UBXN7: variants seen among roughly 807,000 people sequenced by gnomAD.
UBXN7 encodes the protein UBX domain-containing protein 7.
In UBXN7, 9 loss-of-function variants were observed where a neutral mutation model predicts 58.0. The ratio of observed to expected loss-of-function variants is 0.16; its 90% confidence interval spans 0.09 to 0.27. UBXN7 has a LOEUF of 0.27. UBXN7 is among the 10% of genes least tolerant of loss of function. UBXN7 has a pLI of 1.00. For missense variants in UBXN7, 328 were observed against 599.6 expected, an observed-to-expected ratio of 0.55 and a Z score of 4.73; for synonymous variants, 208 against 205.0, an observed-to-expected ratio of 1.01 and a Z score of -0.12.
chr3:196,380,273 G>GA (rs956431913), intron 5 of UBXN7, among the ~76,000 whole-genome samples: 1 of 149,370 alleles, frequency 6.7e-6, no homozygotes, highest in African/African-American at 2.5e-5. Flanking sequence ...AAAAAAAAAA[G>GA]AATGTGAAGG....
At chr3:196,424,549 AT>A (rs1560245913) in intron 1 of UBXN7, among the ~76,000 whole-genome samples, 1 of 149,456 alleles carries the variant, frequency 6.7e-6, no homozygotes, top group African/African-American at 2.5e-5. Flanking sequence ...GGCCCAGTTA[AT>A]TTTTTTTTAC....
At chr3:196,385,163 T>A (rs1229763077) in intron 5 of UBXN7, among the ~76,000 whole-genome samples, 2 of 152,192 alleles carry the variant, frequency 1.3e-5, no homozygotes, top group African/African-American at 4.8e-5. Context: ...CCACCACGCC[T>A]GACTGGTTTT....
chr3:196,386,886 A>ATT (rs1421344910), intron 5 of UBXN7, among the ~76,000 whole-genome samples: 1 of 152,210 alleles, frequency 6.6e-6, no homozygotes, highest in Non-Finnish European at 1.5e-5. Context: ...GGAACCTAAA[A>ATT]AGAGCCCACA....
At position 196,350,027 on chromosome 3, in the gene UBXN7, T is replaced by G. The variant is rs1728175629; in HGVS notation, c.*6658A>C. 6.6e-6 allele frequency: 1 copy of G among 152,232 alleles called. No individual in the cohort carries two copies. The highest frequency in any genetic ancestry group is 2.4e-5 in the African/African-American group (1 of 41,462). 9.4% of individuals were successfully genotyped at this position (152,232 alleles called of 1,614,324 possible). On this transcript the variant is annotated 3_prime_UTR_variant, in exon 11 of 11. Coordinates refer to ENST00000296328, the MANE Select transcript of UBXN7 (RefSeq NM_015562.2). ...AACTTGCTGTTTGTTGCCAAAGAAT[T>G]AAGTACAATAATGCGACTTCTCATA...
intron 1 of UBXN7, among the ~76,000 whole-genome samples, chr3:196,428,089 A>T (rs1010180476): frequency 1.3e-5 from 2 of 152,172 alleles, no homozygotes; most frequent in African/African-American, 2.4e-5. Context: ...ATGCCACTGC[A>T]CTCCAGCCTG....
chr3:196,410,274 C>T (rs755142920), intron 1 of UBXN7, among the ~76,000 whole-genome samples: 6 of 152,142 alleles, frequency 3.9e-5, no homozygotes, highest in Non-Finnish European at 7.3e-5. Context: ...CATTCTTCAG[C>T]ACTTTTTTTC....
chr3:196,380,704 G>A (rs912313830), intron 5 of UBXN7, among the ~76,000 whole-genome samples: 8 of 152,242 alleles, frequency 5.3e-5, no homozygotes, highest in South Asian at 2.1e-4. Flanking sequence ...GCAAGGGGTC[G>A]GGGAAATCAT....
At position 196,367,110 on chromosome 3, in the gene UBXN7, G is replaced by A. The variant is rs138571669; in HGVS notation, c.834+918C>T. ...AGGCAGGAGAATCGCTTGAACCCAG[G>A]AGGCGAAGGTTGCAGTGAGCCAAGA... On this transcript the variant is annotated intron_variant, in intron 8 of 10. Transcript: ENST00000296328. 3.4e-3 allele frequency among the ~76,000 whole-genome samples: 522 copies of A among 151,856 alleles called. 4 individuals are homozygous for A. The highest frequency in any genetic ancestry group is 0.012 in the African/African-American group (492 of 41,410).
chr3:196,417,192 AG>A (rs1730520907), intron 1 of UBXN7, among the ~76,000 whole-genome samples: 1 of 152,166 alleles, frequency 6.6e-6, no homozygotes, highest in Non-Finnish European at 1.5e-5. Context: ...GGGCGCTTGT[AG>A]TCCCAGCTGC....
At chr3:196,411,533 C>T (rs1366169666) in intron 1 of UBXN7, among the ~76,000 whole-genome samples, 6 of 152,162 alleles carry the variant, frequency 3.9e-5, no homozygotes, top group African/African-American at 9.7e-5. Context: ...AGCAGATGGC[C>T]GAGCACAGTG....
intron 3 of UBXN7, among the ~76,000 whole-genome samples, chr3:196,394,668 G>C (rs1168857896): frequency 6.6e-6 from 1 of 152,036 alleles, no homozygotes; most frequent in East Asian, 1.9e-4. Flanking sequence ...AGAAGATTTT[G>C]AGGATGATGC....
rs1453390518 is a variant in UBXN7, at chr3:196,369,428, T to G, written c.699A>C (p.Pro233=). The G allele has an allele frequency of 6.2e-7, 1 of 1,611,406 alleles. No homozygotes were observed. Among genetic ancestry groups the G allele is most frequent in the South Asian group, 1.1e-5 (1 of 90,816 alleles). Residue 233 remains proline (P), a synonymous_variant, in exon 7 of 11, where the codon CCA becomes CCC. Coordinates refer to ENST00000296328, the MANE Select transcript of UBXN7 (RefSeq NM_015562.2). ...GDFPYVSILD[P]RTGQKLVEWH... Reference sequence around the variant, plus strand: ...TGCTGATATAAATCTTACCTGTCCGTGGGTCCAATATGGAAACATAGGGGA... The same window carrying G: ...TGCTGATATAAATCTTACCTGTCCGGGGGTCCAATATGGAAACATAGGGGA...
chr3:196,412,230 C>CAAAAAAAAAA (rs55746914), intron 1 of UBXN7, among the ~76,000 whole-genome samples: 4 of 89,094 alleles, frequency 4.5e-5, no homozygotes, highest in African/African-American at 1.5e-4. Context: ...GACTTTGTCT[C>CAAAAAAAAAA]AAAAAAAAAA....
At chr3:196,432,282 C>T (rs960288348) in intron 1 of UBXN7, 45 bp downstream of exon 1, 1 of 1,610,416 alleles carries the variant, frequency 6.2e-7, no homozygotes, top group Non-Finnish European at 8.5e-7. Flanking sequence ...ACCCGCTGCC[C>T]GCTCCGGACC....
In UBXN7 at chr3:196,376,563, A is replaced by AG. The variant is rs1396627697; in HGVS notation, c.469-4522_469-4521insC. Reference sequence around the variant, plus strand: ...TCTGTCTCAAAAAAAAAAAAAAAAAAAAAAAGAAAAGAAAAGAAAAAGGAA... The same window carrying AG: ...TCTGTCTCAAAAAAAAAAAAAAAAAAGAAAAAGAAAAGAAAAGAAAAAGGAA... On this transcript the variant is annotated intron_variant, in intron 5 of 10. Transcript: ENST00000296328. Among the ~76,000 whole-genome samples the AG allele has an allele frequency of 8.0e-5, 12 of 149,804 alleles. No individual in the cohort carries two copies. In the East Asian group the frequency reaches 2.1e-3, roughly 27 times the overall value.
intron 5 of UBXN7, among the ~76,000 whole-genome samples, chr3:196,380,257 C>CAA (rs1385478482): frequency 4.7e-5 from 4 of 85,518 alleles, no homozygotes; most frequent in Admixed American, 1.2e-4. Context: ...GATTTCATCT[C>CAA]AAAAAAAAAA....
chr3:196,393,812 C>T, intron 3 of UBXN7, 193 bp from the exon 4 acceptor site: 1 of 421,882 alleles, frequency 2.4e-6, no homozygotes, highest in Non-Finnish European at 4.4e-6. Context: ...GCAGCGAGCA[C>T]AGTATTTCTT....
At chr3:196,363,251 A>AAT (rs1560218787) in intron 8 of UBXN7, among the ~76,000 whole-genome samples, 2 of 40,230 alleles carry the variant, frequency 5.0e-5, no homozygotes, top group African/African-American at 1.5e-4. Context: ...TACATACATA[A>AAT]ATATATATAT....
intron 5 of UBXN7, among the ~76,000 whole-genome samples, chr3:196,372,327 C>T (rs1420558092): frequency 2.8e-3 from 254 of 90,334 alleles, no homozygotes; most frequent in African/African-American, 8.2e-3. Context: ...TCTCTCTCTC[C>T]TTTCTTTCTT....
Sources: allele counts gnomAD v4.1 joint callset (sites outside exome capture counted in the v4.1 genomes callset), GRCh38; gene constraint gnomAD v4.1.1; transcripts MANE v1.5; gene names NCBI Gene and HGNC (gene_info 2026-07-23, HGNC 2026-07-21).